Variants in SH3RF3 observed in about 807,000 individuals in gnomAD.
The protein encoded by SH3RF3 is SH3 domain containing ring finger 3.
SH3RF3 carries 29 observed loss-of-function variants against 66.3 expected under a neutral mutation model. The ratio of observed to expected loss-of-function variants is 0.44; its 90% CI spans 0.33 to 0.60. SH3RF3 has a LOEUF of 0.60. Ranked by LOEUF, SH3RF3 falls within the 20% of genes least tolerant of loss-of-function variation. The probability of loss-of-function intolerance (pLI) is 0.04; values close to 1 mark genes in which losing one functional copy is unlikely to be tolerated. For synonymous variants in SH3RF3, 583 were observed against 532.0 expected, an observed-to-expected ratio of 1.10 and a Z score of -1.32; for missense variants, 1,194 against 1,190.9, an observed-to-expected ratio of 1.00 and a Z score of -0.04.
chr2:109,385,552 C>T (rs1675802208), intron 3 of SH3RF3, among the ~76,000 whole-genome samples: 1 of 152,262 alleles, frequency 6.6e-6, no homozygotes, highest in Non-Finnish European at 1.5e-5. Flanking sequence ...GAATGAGTTT[C>T]CTTGAACTGT....
intron 1 of SH3RF3, among the ~76,000 whole-genome samples, chr2:109,173,711 C>T (rs1055818236): frequency 6.6e-6 from 1 of 152,142 alleles, no homozygotes; most frequent in African/African-American, 2.4e-5. Flanking sequence ...ATGGGAAATC[C>T]GCTGTCTGGA....
chr2:109,357,625 G>A (rs1002523265), intron 2 of SH3RF3, among the ~76,000 whole-genome samples: 9 of 152,154 alleles, frequency 5.9e-5, no homozygotes, highest in African/African-American at 1.9e-4. Flanking sequence ...AAGGAATCAC[G>A]CAGGATTTAT....
intron 1 of SH3RF3, among the ~76,000 whole-genome samples, chr2:109,278,810 T>C (rs13010116): frequency 0.32 from 48,132 of 152,064 alleles, 8,218 homozygotes; most frequent in South Asian, 0.41. Flanking sequence ...TTTGTGGGTA[T>C]TGCATCGGCC....
intron 3 of SH3RF3, among the ~76,000 whole-genome samples, chr2:109,384,691 A>C (rs1675778339): frequency 6.6e-6 from 1 of 151,884 alleles, no homozygotes; most frequent in South Asian, 2.1e-4. Context: ...TCCTAAGCCC[A>C]CCCCCGCTTT....
At chr2:109,257,342 G>A (rs918397414) in intron 1 of SH3RF3, among the ~76,000 whole-genome samples, 1 of 150,936 alleles carries the variant, frequency 6.6e-6, no homozygotes, top group African/African-American at 2.4e-5. Flanking sequence ...GGAAAGAAAG[G>A]AATTGAGGAG....
intron 1 of SH3RF3, among the ~76,000 whole-genome samples, chr2:109,269,882 T>G (rs1437774510): frequency 6.6e-6 from 1 of 152,210 alleles, no homozygotes; most frequent in African/African-American, 2.4e-5. Context: ...TACATCATCC[T>G]CAGTCCCAGT....
intron 1 of SH3RF3, among the ~76,000 whole-genome samples, chr2:109,227,486 T>C (rs759395830): frequency 1.3e-5 from 2 of 152,206 alleles, no homozygotes; most frequent in Non-Finnish European, 2.9e-5. Flanking sequence ...ACATTGAAGC[T>C]ATCAGGGACT....
intron 1 of SH3RF3, 122 bp downstream of exon 1, chr2:109,130,235 C>A: frequency 1.1e-6 from 1 of 935,980 alleles, no homozygotes; most frequent in Non-Finnish European, 1.4e-6. Context: ...TGGCCCACTC[C>A]GCTGTTGCTC....
chr2:109,199,618 G>GC (rs1558953989), intron 1 of SH3RF3, among the ~76,000 whole-genome samples: 2 of 232 alleles, frequency 8.6e-3, no homozygotes, highest in Non-Finnish European at 0.019. Context: ...GGAATGGAAT[G>GC]GAATGGAATG....
At chr2:109,352,478 A>G (rs1294400118) in intron 2 of SH3RF3, among the ~76,000 whole-genome samples, 1 of 152,132 alleles carries the variant, frequency 6.6e-6, no homozygotes, top group Non-Finnish European at 1.5e-5. Flanking sequence ...CAAGCTTCCA[A>G]ATTTGCAGTG....
intron 8 of SH3RF3, among the ~76,000 whole-genome samples, chr2:109,468,391 C>G (rs536583391): frequency 6.6e-6 from 1 of 152,306 alleles, no homozygotes; most frequent in African/African-American, 2.4e-5. Context: ...ATGAATTTTT[C>G]AGTTTCATTA....
At chr2:109,353,185 G>A (rs973126409) in intron 2 of SH3RF3, among the ~76,000 whole-genome samples, 2 of 152,222 alleles carry the variant, frequency 1.3e-5, no homozygotes, top group Non-Finnish European at 2.9e-5. Context: ...GCTCCCTCAA[G>A]GGCCTGATCC....
chr2:109,329,129 T>C (rs1429161532), intron 1 of SH3RF3, among the ~76,000 whole-genome samples: 1 of 152,226 alleles, frequency 6.6e-6, no homozygotes, highest in Admixed American at 6.5e-5. Context: ...AATGTTCCCC[T>C]CTCTCCTACA....
At chr2:109,295,146 C>G (rs1012771527) in intron 1 of SH3RF3, among the ~76,000 whole-genome samples, 5 of 152,198 alleles carry the variant, frequency 3.3e-5, no homozygotes, top group Non-Finnish European at 2.9e-5. Flanking sequence ...GTACGGAGCA[C>G]CCACGCCTGG....
intron 1 of SH3RF3, among the ~76,000 whole-genome samples, chr2:109,156,504 G>A (rs1388888277): frequency 3.3e-5 from 5 of 151,746 alleles, no homozygotes; most frequent in Non-Finnish European, 7.4e-5. Flanking sequence ...GGAGTGCAGT[G>A]GTGCAATCTT....
intron 1 of SH3RF3, among the ~76,000 whole-genome samples, chr2:109,268,695 T>G (rs554381719): frequency 2.6e-4 from 40 of 152,222 alleles, no homozygotes; most frequent in African/African-American, 8.7e-4. Flanking sequence ...TTTTTCACTT[T>G]CAGGGCAGTG....
rs1191730375 is a variant in SH3RF3 at position 109,146,899 on chromosome 2, C to G, written c.573+16786C>G. Among the ~76,000 whole-genome samples the G allele has an allele frequency of 2.4e-3, 249 of 103,730 alleles. 9 individuals carry two copies. The highest frequency in any genetic ancestry group is 3.5e-3 in the South Asian group (7 of 1,986). 68.1% of individuals were successfully genotyped at this position (103,730 alleles called of 152,430 possible). On this transcript the variant is annotated intron_variant, in intron 1 of 9. Transcript: ENST00000309415. The stretch of plus-strand genomic sequence containing the variant: ...TCTTTTTTCCCTCCCCCCCCCCCCC[C>G]CCGCCCCAATATCCTATGAAGGCCT...
At chr2:109,387,353 T>C (rs1050433222) in intron 3 of SH3RF3, among the ~76,000 whole-genome samples, 2 of 152,174 alleles carry the variant, frequency 1.3e-5, no homozygotes, top group African/African-American at 4.8e-5. Flanking sequence ...GTTCCCCATC[T>C]CAGGGGAGAT....
chr2:109,402,212 T>C (rs1274995464), intron 4 of SH3RF3, among the ~76,000 whole-genome samples: 2 of 152,246 alleles, frequency 1.3e-5, no homozygotes, highest in African/African-American at 2.4e-5. Context: ...TCCTACCACC[T>C]TGCTGGCCAT....
Sources: allele counts gnomAD v4.1 joint callset (sites outside exome capture counted in the v4.1 genomes callset), GRCh38; gene constraint gnomAD v4.1.1; transcripts MANE v1.5; gene names NCBI Gene and HGNC (gene_info 2026-07-23, HGNC 2026-07-21).